The following UBXN7 variants were observed in gnomAD, a reference collection of about 807,000 sequenced individuals.
UBXN7 encodes UBX domain-containing protein 7.
In UBXN7, 9 loss-of-function variants were observed where a neutral mutation model predicts 58.0. The ratio of observed to expected loss-of-function variants is 0.16; its 90% CI spans 0.09 to 0.27. The LOEUF is 0.27. Ranked by LOEUF, UBXN7 falls within the 10% of genes least tolerant of loss-of-function variation. The probability of loss-of-function intolerance (pLI) is 1.00; values close to 1 mark genes in which losing one functional copy is unlikely to be tolerated. For missense variants in UBXN7, 328 were observed against 599.6 expected, an observed-to-expected ratio of 0.55 and a Z score of 4.73; for synonymous variants, 208 against 205.0, an observed-to-expected ratio of 1.01 and a Z score of -0.12.
rs1456296365 is a variant in UBXN7, at chr3:196,361,889, A to G, written c.1263T>C (p.Asp421=). ...GAAGAGTGATCTGTTCCCTTTTTCC[A>G]TCTGGATACCGCAACATCAGCTGTG... ...PKAQLMLRYP[D]GKREQITLPE... Residue 421 remains aspartate (D), a synonymous_variant, in exon 10 of 11, where the codon GAT becomes GAC. Transcript: ENST00000296328. The G allele has an allele frequency of 6.2e-7, 1 of 1,613,102 alleles. No individual in the cohort carries two copies. Among genetic ancestry groups the G allele is most frequent in the Non-Finnish European group, 8.5e-7 (1 of 1,179,678 alleles).
intron 3 of UBXN7, among the ~76,000 whole-genome samples, chr3:196,400,915 T>C (rs912133666): frequency 2.0e-5 from 3 of 152,004 alleles, no homozygotes; most frequent in Admixed American, 2.0e-4. Context: ...TCCAAATCTA[T>C]TCCTAGCATT....
At chr3:196,405,484 A>G (rs1458901731) in intron 2 of UBXN7, among the ~76,000 whole-genome samples, 1 of 150,344 alleles carries the variant, frequency 6.7e-6, no homozygotes, top group Non-Finnish European at 1.5e-5. Context: ...AAAAAAAAAG[A>G]AAAGAAAAAA....
chr3:196,378,795 C>T (rs183594925), intron 5 of UBXN7, among the ~76,000 whole-genome samples: 46 of 150,410 alleles, frequency 3.1e-4, no homozygotes, highest in African/African-American at 1.1e-3. Flanking sequence ...GGGTTTTAGC[C>T]AGCTTCTTTC....
At chr3:196,358,203 A>G (rs1697801908) in intron 10 of UBXN7, among the ~76,000 whole-genome samples, 1 of 152,202 alleles carries the variant, frequency 6.6e-6, no homozygotes. Flanking sequence ...AGAGAATCCC[A>G]AGAGAAAACC....
chr3:196,369,399 T>C (rs779086482), intron 7 of UBXN7, 22 bp downstream of exon 7: 1 of 1,544,076 alleles, frequency 6.5e-7, no homozygotes, highest in Non-Finnish European at 8.9e-7. Context: ...GGTTAAAAGC[T>C]GCGTGCTGAT....
chr3:196,422,499 CAATT>C (rs1730720174), intron 1 of UBXN7, among the ~76,000 whole-genome samples: 1 of 151,340 alleles, frequency 6.6e-6, no homozygotes, highest in African/African-American at 2.4e-5. Context: ...AAAAAAAAGA[CAATT>C]AAAAATACCA....
At chr3:196,411,186 T>C (rs1189150577) in intron 1 of UBXN7, among the ~76,000 whole-genome samples, 1 of 152,194 alleles carries the variant, frequency 6.6e-6, no homozygotes, top group Admixed American at 6.6e-5. Context: ...AATAGAAGGT[T>C]CTTGAACAGA....
intron 6 of UBXN7, among the ~76,000 whole-genome samples, chr3:196,370,127 CA>C (rs368855542): frequency 0.2 from 14,425 of 73,408 alleles, 644 homozygotes; most frequent in South Asian, 0.25. Flanking sequence ...AGACTTGTCT[CA>C]AAAAAAAAAA....
intron 1 of UBXN7, among the ~76,000 whole-genome samples, chr3:196,409,943 T>A (rs1730270552): frequency 6.7e-6 from 1 of 148,714 alleles, no homozygotes; most frequent in African/African-American, 2.4e-5. Context: ...AAAGAAACTT[T>A]TTTTTTTTTT....
At chr3:196,423,082 C>T (rs967083675) in intron 1 of UBXN7, among the ~76,000 whole-genome samples, 10 of 152,236 alleles carry the variant, frequency 6.6e-5, no homozygotes, top group Non-Finnish European at 1.2e-4. Flanking sequence ...CAGCCCAGCC[C>T]GCCAAGTCCT....
chr3:196,371,791 C>T, intron 6 of UBXN7, 105 bp downstream of exon 6: 1 of 1,437,582 alleles, frequency 7.0e-7, no homozygotes, highest in South Asian at 1.4e-5. Flanking sequence ...CCGGCTTTAC[C>T]TTTTTTTAAA....
chr3:196,362,589 A>G lies in UBXN7; in HGVS notation c.933T>C (p.Asp311=). The G allele has an allele frequency of 1.9e-6, 3 of 1,614,196 alleles. No individual in the cohort carries two copies. The highest frequency in any genetic ancestry group is 2.5e-6 in the Non-Finnish European group (3 of 1,180,040). ...THFDSTQTKQ[D]SRSDEESESE... is the part of the protein sequence containing the mutation. ...ATTCAGATTCTTCATCTGAGCGGCT[A>G]TCCTGTTTTGTCTGTGTTGAATCAA... The change falls in exon 9 of 11, where the codon GAT becomes GAC. Residue 311 remains aspartate, a synonymous_variant. Transcript: ENST00000296328.
intron 8 of UBXN7, among the ~76,000 whole-genome samples, chr3:196,364,483 A>C (rs1452582443): frequency 1.3e-5 from 2 of 152,268 alleles, no homozygotes; most frequent in East Asian, 3.9e-4. Flanking sequence ...GATACAGAGG[A>C]AAGAAGACTG....
At chr3:196,417,724 T>TAAAAA (rs749981900) in intron 1 of UBXN7, among the ~76,000 whole-genome samples, 2 of 31,678 alleles carry the variant, frequency 6.3e-5, no homozygotes, top group African/African-American at 1.2e-4. Flanking sequence ...GCAAAATGGT[T>TAAAAA]AAAAAAAAAA....
intron 4 of UBXN7, among the ~76,000 whole-genome samples, chr3:196,392,241 T>C (rs1729606442): frequency 6.6e-6 from 1 of 152,014 alleles, no homozygotes; most frequent in Non-Finnish European, 1.5e-5. Flanking sequence ...GTGGCTCATG[T>C]CTATAATTCT....
chr3:196,372,490 C>A (rs960240350), intron 5 of UBXN7, among the ~76,000 whole-genome samples: 1 of 151,684 alleles, frequency 6.6e-6, no homozygotes, highest in Non-Finnish European at 1.5e-5. Flanking sequence ...TAAAGGCGTG[C>A]CCCAACACGC....
In UBXN7 at chr3:196,355,798, C is replaced by T. The variant is rs1018476047; in HGVS notation, c.*887G>A. On this transcript the variant is annotated 3_prime_UTR_variant, in exon 11 of 11. Coordinates refer to ENST00000296328, the MANE Select transcript of UBXN7 (RefSeq NM_015562.2). ...ATTGTACTACATGATTATTGACCAGCTGCCTTCCTACAGATCACTGCAGAC... is the reference window on the plus strand; with the variant it reads ...ATTGTACTACATGATTATTGACCAGTTGCCTTCCTACAGATCACTGCAGAC... 6.6e-6 allele frequency: 1 copy of T among 152,224 alleles called. No individual in the cohort carries two copies. The highest frequency in any genetic ancestry group is 6.5e-5 in the Admixed American group (1 of 15,286). 9.4% of individuals were successfully genotyped at this position (152,224 alleles called of 1,614,324 possible). A position where few individuals can be genotyped will look rare whatever the true frequency, so the allele number is the denominator to read the frequency against.
At chr3:196,407,188 A>G in intron 2 of UBXN7, 58 bp downstream of exon 2, 2 of 1,573,346 alleles carry the variant, frequency 1.3e-6, no homozygotes, top group Non-Finnish European at 1.7e-6. Context: ...TTTGATAAAA[A>G]TGCAACTACT....
chr3:196,367,991 A>T lies in UBXN7; in HGVS notation c.834+37T>A. On this transcript the variant is annotated intron_variant, in intron 8 of 10. Transcript: ENST00000296328. The stretch of plus-strand genomic sequence containing the variant: ...ATATAAGATGCTTATGACCAATTAC[A>T]TTTATTTTCCCATCACCACCTCCTA... The T allele has an allele frequency of 1.9e-6, 3 of 1,601,358 alleles. No individual in the cohort carries two copies. The South Asian group carries it at 3.4e-5, about 18-fold the overall frequency.
Sources: gnomAD v4.1 joint callset for allele counts (sites outside exome capture counted in the v4.1 genomes callset) on GRCh38, gnomAD v4.1.1 for gene constraint, MANE v1.5 for transcripts, NCBI Gene and HGNC (gene_info 2026-07-23, HGNC 2026-07-21) for gene names.